The following FSTL4 variants were observed in gnomAD, a reference collection of about 807,000 sequenced individuals.
The protein encoded by FSTL4 is follistatin like 4, also known as follistatin-related protein 4.
In FSTL4, 28 loss-of-function variants were observed where a neutral mutation model predicts 78.2. That is an observed-to-expected ratio of 0.36 (90% CI 0.27 to 0.49). FSTL4 has a LOEUF of 0.49. Among genes scored for constraint, FSTL4 ranks in the 20% least tolerant of loss-of-function variants. The pLI is 0.98. For missense variants in FSTL4, 922 were observed against 1,084.9 expected (o/e 0.85, Z 2.11); for synonymous variants, 422 against 440.5 (o/e 0.96, Z 0.53).
At chr5:133,734,376 A>T in the FSTL4 span, among the ~76,000 whole-genome samples, 4 of 152,196 alleles carry the variant, frequency 2.6e-5, no homozygotes, top group Non-Finnish European at 5.9e-5. Context: ...ATATGAGAAA[A>T]ATGCCCACAT....
At chr5:133,465,279 A>T (rs1757682796) in intron 3 of FSTL4, among the ~76,000 whole-genome samples, 1 of 152,316 alleles carries the variant, frequency 6.6e-6, no homozygotes, top group South Asian at 2.1e-4. Context: ...CTTCAAAGTC[A>T]GGCTCAAGTT....
chr5:133,591,629 G>C (rs1206480052), intron 2 of FSTL4, among the ~76,000 whole-genome samples: 5 of 152,094 alleles, frequency 3.3e-5, no homozygotes, highest in Non-Finnish European at 7.3e-5. Flanking sequence ...ATTTCCCCAA[G>C]CTGAGCCAAT....
chr5:133,709,934 G>A, the FSTL4 span, among the ~76,000 whole-genome samples: 37,550 of 152,048 alleles, frequency 0.25, 5,348 homozygotes, highest in African/African-American at 0.39. Context: ...CCCTGGGCAC[G>A]CTGGGCAAGA....
At chr5:133,552,451 T>C (rs1759705806) in intron 3 of FSTL4, among the ~76,000 whole-genome samples, 1 of 152,214 alleles carries the variant, frequency 6.6e-6, no homozygotes, top group Non-Finnish European at 1.5e-5. Context: ...GTTGCTGCCA[T>C]GAGGTCATGT....
intron 1 of FSTL4, among the ~76,000 whole-genome samples, chr5:133,607,592 T>A (rs927637143): frequency 2.6e-5 from 4 of 152,214 alleles, no homozygotes; most frequent in Non-Finnish European, 2.9e-5. Context: ...CCACGACATC[T>A]ATTCTCTTAA....
intron 4 of FSTL4, among the ~76,000 whole-genome samples, chr5:133,332,618 C>T (rs1754374477): frequency 6.6e-6 from 1 of 152,224 alleles, no homozygotes; most frequent in South Asian, 2.1e-4. Context: ...GCATGTTTTG[C>T]TTCAGAATGT....
chr5:133,567,766 T>C (rs774431035), intron 2 of FSTL4, among the ~76,000 whole-genome samples: 2 of 152,238 alleles, frequency 1.3e-5, no homozygotes, highest in Non-Finnish European at 2.9e-5. Context: ...TTCATGCCAC[T>C]GGACTAAATT....
At chr5:133,372,077 C>T (rs1385595334) in intron 4 of FSTL4, among the ~76,000 whole-genome samples, 2 of 152,186 alleles carry the variant, frequency 1.3e-5, no homozygotes, top group South Asian at 4.1e-4. Context: ...ACAGGCCGAA[C>T]ATGTGCCTGC....
the FSTL4 span, among the ~76,000 whole-genome samples, chr5:133,695,615 A>C: frequency 6.6e-6 from 1 of 152,156 alleles, no homozygotes; most frequent in Non-Finnish European, 1.5e-5. Flanking sequence ...CCGGGATGCC[A>C]CTGAACCCAA....
At position 133,612,014 on chromosome 5, in the gene FSTL4, G is replaced by GTGCCAAC. The variant is rs1561486821; in HGVS notation, c.-11+310_-11+311insGTTGGCA. 6.6e-6 allele frequency among the ~76,000 whole-genome samples: 1 copy of GTGCCAAC among 152,026 alleles called. No individual in the cohort carries two copies. The highest frequency in any genetic ancestry group is 1.5e-5 in the Non-Finnish European group (1 of 67,934). ...CCCGAGCGCTTCTGCGTGGCGCCCC[G>GTGCCAAC]CGTGCCAACCGGGTCACTCCGGTCC... On this transcript the variant is annotated intron_variant, in intron 1 of 15. Transcript: ENST00000265342. This position sits in a 1 kb window ranked among gnomAD's most constrained non-coding sequence, Gnocchi z 6.2.
At chr5:133,518,332 G>A (rs1248838120) in intron 3 of FSTL4, among the ~76,000 whole-genome samples, 1 of 152,032 alleles carries the variant, frequency 6.6e-6, no homozygotes, top group Non-Finnish European at 1.5e-5. Context: ...AAGACAAGGA[G>A]TAGTCAAACT....
intron 4 of FSTL4, among the ~76,000 whole-genome samples, chr5:133,375,781 A>C (rs1286058826): frequency 6.6e-6 from 1 of 152,198 alleles, no homozygotes; most frequent in African/African-American, 2.4e-5. Flanking sequence ...CTCTAAAGTT[A>C]ATTTGTTCTT....
At chr5:133,514,117 T>C (rs1420028227) in intron 3 of FSTL4, among the ~76,000 whole-genome samples, 1 of 151,010 alleles carries the variant, frequency 6.6e-6, no homozygotes, top group Non-Finnish European at 1.5e-5. Flanking sequence ...AAGCGGAGCT[T>C]GCAATGAGCC....
At chr5:133,602,166 T>C (rs1424465698) in intron 2 of FSTL4, among the ~76,000 whole-genome samples, 1 of 151,822 alleles carries the variant, frequency 6.6e-6, no homozygotes, top group Non-Finnish European at 1.5e-5. Context: ...CAATAGTTCT[T>C]GTGGTGCAGA....
At chr5:133,664,841 T>A in the FSTL4 span, among the ~76,000 whole-genome samples, 2 of 152,182 alleles carry the variant, frequency 1.3e-5, no homozygotes, top group Admixed American at 1.3e-4. Context: ...CAAACATAGA[T>A]GAAAAATGAC....
rs1032956704 is a variant in FSTL4 at position 133,329,630 on chromosome 5, C to T, written c.410-12978G>A. The stretch of plus-strand genomic sequence containing the variant: ...GGCCCGTCTCTCCTTTTCACATTTT[C>T]TGCCTTCTTTATATTCGCTGGAAGC... On this transcript the variant is annotated intron_variant, in intron 4 of 15. Coordinates refer to ENST00000265342, the MANE Select transcript of FSTL4 (RefSeq NM_015082.2). Among the ~76,000 whole-genome samples, 6 of 140,138 alleles carry T rather than the reference C, an allele frequency of 4.3e-5. No individual in the cohort carries two copies. In the East Asian group the frequency reaches 1.3e-3, roughly 29 times the overall value. The allele number at this position is 140,138 out of a possible 152,430, so 91.9% of individuals were successfully genotyped here. A position where few individuals can be genotyped will look rare whatever the true frequency, so the allele number is the denominator to read the frequency against.
chr5:133,690,516 G>A, the FSTL4 span, among the ~76,000 whole-genome samples: 1 of 151,920 alleles, frequency 6.6e-6, no homozygotes, highest in Non-Finnish European at 1.5e-5. Context: ...CCTAGCAGTT[G>A]ATCACAGTTC....
chr5:133,576,240 T>C (rs1031654567), intron 2 of FSTL4, among the ~76,000 whole-genome samples: 6 of 152,212 alleles, frequency 3.9e-5, no homozygotes, highest in African/African-American at 1.2e-4. Flanking sequence ...GTCCATCCCA[T>C]GTCCATCTTG....
At chr5:133,205,313 T>C (rs1750461780) in intron 14 of FSTL4, among the ~76,000 whole-genome samples, 1 of 152,210 alleles carries the variant, frequency 6.6e-6, no homozygotes, top group African/African-American at 2.4e-5. Context: ...CAGTGAACCA[T>C]CGTTGCATCC....
Sources: gnomAD v4.1 joint callset for allele counts (sites outside exome capture counted in the v4.1 genomes callset) on GRCh38, gnomAD v4.1.1 for gene constraint, Gnocchi (gnomAD v3.1) non-coding constraint, MANE v1.5 for transcripts, NCBI Gene and HGNC (gene_info 2026-07-23, HGNC 2026-07-21) for gene names.